DMD: variants seen among roughly 807,000 people sequenced by gnomAD.
DMD encodes mutant dystrophin.
DMD carries 63 observed loss-of-function variants against 330.1 expected under a neutral mutation model. The observed-to-expected ratio is 0.19, with a 90% CI of 0.16 to 0.24. The LOEUF (loss-of-function observed/expected upper bound fraction) is 0.24. Ranked by LOEUF, DMD falls within the 10% of genes least tolerant of loss-of-function variation. The probability of loss-of-function intolerance (pLI) is 1.00; values close to 1 mark genes in which losing one functional copy is unlikely to be tolerated. For missense variants in DMD, 3,344 were observed against 2,684.1 expected (o/e 1.25, Z -5.43); for synonymous variants, 1,223 against 959.8 (o/e 1.27, Z -5.07).
chrX:31,142,385 T>C (rs1269955249), intron 76 of DMD, among the ~76,000 whole-genome samples: 1 of 111,711 alleles, frequency 9.0e-6, no homozygotes, highest in Non-Finnish European at 1.9e-5. Flanking sequence ...AATATAAACA[T>C]ATACAGTATA....
chrX:31,313,641 T>A (rs961043072), intron 62 of DMD, among the ~76,000 whole-genome samples: 2 of 110,588 alleles, frequency 1.8e-5, no homozygotes, highest in African/African-American at 6.6e-5. Flanking sequence ...GTGCACCTTG[T>A]ACCCATTAAG....
chrX:31,854,932 A>G (rs774537105), intron 48 of DMD, among the ~76,000 whole-genome samples: 1 of 111,471 alleles, frequency 9.0e-6, no homozygotes, highest in Non-Finnish European at 1.9e-5. Flanking sequence ...ATGTGTGACA[A>G]CCACAAATAT....
chrX:32,272,765 A>C (rs1354623904), intron 43 of DMD, among the ~76,000 whole-genome samples: 1 of 112,151 alleles, frequency 8.9e-6, no homozygotes, highest in Non-Finnish European at 1.9e-5. Flanking sequence ...GGTGTGCCTA[A>C]AAATAAGCTC....
chrX:31,467,161 T>C (rs1019312210), intron 59 of DMD, among the ~76,000 whole-genome samples: 1 of 111,472 alleles, frequency 9.0e-6, no homozygotes, highest in African/African-American at 3.3e-5. Flanking sequence ...TTTATTTCTT[T>C]CCCTTGCCTG....
chrX:33,001,326 T>A (rs1602536558), intron 2 of DMD, among the ~76,000 whole-genome samples: 1 of 111,930 alleles, frequency 8.9e-6, no homozygotes, highest in Non-Finnish European at 1.9e-5. Flanking sequence ...ACTGTGGTGA[T>A]TTTGCAATGT....
intron 44 of DMD, among the ~76,000 whole-genome samples, chrX:32,024,519 A>G (rs754517868): frequency 3.5e-4 from 39 of 110,296 alleles, no homozygotes; most frequent in Non-Finnish European, 6.6e-4. Flanking sequence ...GTATGAAACA[A>G]ACAAAGAATA....
intron 50 of DMD, among the ~76,000 whole-genome samples, chrX:31,783,848 T>A (rs1268257096): frequency 9.0e-6 from 1 of 111,412 alleles, no homozygotes; most frequent in African/African-American, 3.3e-5. Flanking sequence ...AATGCGACAA[T>A]ATTAAATAGT....
chrX:33,165,652 C>T (rs1253497533), intron 1 of DMD, among the ~76,000 whole-genome samples: 2 of 111,171 alleles, frequency 1.8e-5, no homozygotes, highest in African/African-American at 6.5e-5. Context: ...AGCTAAGGGA[C>T]GACATAGGAT....
At chrX:32,774,933 C>G (rs1000078315) in intron 7 of DMD, among the ~76,000 whole-genome samples, 1 of 112,223 alleles carries the variant, frequency 8.9e-6, no homozygotes, top group Admixed American at 9.4e-5. Context: ...TCTCTGCCTA[C>G]AAGCCTGTAA....
chrX:31,775,672 G>A (rs772383022), intron 50 of DMD, among the ~76,000 whole-genome samples: 6 of 111,256 alleles, frequency 5.4e-5, no homozygotes, highest in African/African-American at 2.0e-4. Flanking sequence ...ACCAGTGAAC[G>A]ATTCTAAGAA....
At chrX:32,958,096 A>G (rs1002063517) in intron 2 of DMD, among the ~76,000 whole-genome samples, 3 of 111,978 alleles carry the variant, frequency 2.7e-5, no homozygotes, top group African/African-American at 9.7e-5. Context: ...TAATGTCATT[A>G]GAAACATAGA....
chrX:32,364,422 T>A (rs1289717342), intron 36 of DMD, among the ~76,000 whole-genome samples, 160 bp downstream of exon 36: 2 of 111,915 alleles, frequency 1.8e-5, no homozygotes, highest in Non-Finnish European at 3.8e-5. Flanking sequence ...AAATCATTCA[T>A]TTCCATTCAA....
At chrX:33,021,213 G>A (rs2093908013) in intron 1 of DMD, among the ~76,000 whole-genome samples, 2 of 110,791 alleles carry the variant, frequency 1.8e-5, no homozygotes, top group Admixed American at 9.7e-5. Flanking sequence ...TTTATACTAA[G>A]GGATTAGGGA....
chrX:31,974,186 C>T (rs2095419764), intron 44 of DMD, among the ~76,000 whole-genome samples: 1 of 111,727 alleles, frequency 9.0e-6, no homozygotes, highest in Non-Finnish European at 1.9e-5. Flanking sequence ...ACTATATGTT[C>T]TCACTTATAA....
chrX:32,582,006 A>AT (rs1263157120), intron 13 of DMD, among the ~76,000 whole-genome samples: 2 of 111,946 alleles, frequency 1.8e-5, no homozygotes, highest in African/African-American at 6.5e-5. Context: ...TCCGGTAGTG[A>AT]TAAAACCTCT....
chrX:32,889,313 T>C (rs1332290599), intron 2 of DMD, among the ~76,000 whole-genome samples: 4 of 110,977 alleles, frequency 3.6e-5, no homozygotes, highest in Non-Finnish European at 5.7e-5. Flanking sequence ...TTTTGGAGGA[T>C]GAAGAATGAC....
chrX:32,607,458 A>T (rs201319112), intron 12 of DMD, among the ~76,000 whole-genome samples: 25,985 of 108,831 alleles, frequency 0.24, 2,422 homozygotes, highest in South Asian at 0.49. Context: ...TTAGATAAAA[A>T]TTTAATTGTT....
intron 44 of DMD, among the ~76,000 whole-genome samples, chrX:32,207,845 C>G (rs769868262): frequency 1.3e-4 from 14 of 111,678 alleles, no homozygotes; most frequent in South Asian, 1.1e-3. Context: ...CAATCCATTA[C>G]TAGTATTTAA....
intron 1 of DMD, among the ~76,000 whole-genome samples, chrX:33,069,225 T>C (rs768927334): frequency 9.0e-6 from 1 of 111,211 alleles, no homozygotes; most frequent in Admixed American, 9.7e-5. Context: ...TTGTTTTTCA[T>C]CTCCTTCAAC....
Sources: allele counts gnomAD v4.1 joint callset (sites outside exome capture counted in the v4.1 genomes callset), GRCh38; gene constraint gnomAD v4.1.1; transcripts MANE v1.5; gene names NCBI Gene and HGNC (gene_info 2026-07-23, HGNC 2026-07-21).